Variants in CLMP observed in about 807,000 individuals in gnomAD.
CLMP encodes the protein CXADR like cell adhesion molecule.
A neutral mutation model predicts 45.2 loss-of-function variants in CLMP; 27 were observed. That is an observed-to-expected ratio of 0.60 (90% CI 0.44 to 0.82). The LOEUF is 0.82. Ranked by LOEUF, CLMP falls within the 40% of genes least tolerant of loss-of-function variation. The pLI is 0.00. For synonymous variants in CLMP, 167 were observed against 171.4 expected, an observed-to-expected ratio of 0.97 and a Z score of 0.20; for missense variants, 403 against 448.4, an observed-to-expected ratio of 0.90 and a Z score of 0.91.
intron 1 of CLMP, among the ~76,000 whole-genome samples, chr11:123,150,199 TAAACAC>T (rs1287594714): frequency 9.1e-4 from 111 of 121,786 alleles, no homozygotes; most frequent in African/African-American, 3.5e-3. Context: ...ACACACACAC[TAAACAC>T]ACACACACAC....
At chr11:123,100,840 G>A (rs1189165552) in intron 1 of CLMP, among the ~76,000 whole-genome samples, 1 of 151,630 alleles carries the variant, frequency 6.6e-6, no homozygotes, top group Non-Finnish European at 1.5e-5. Flanking sequence ...AGGAAGTCAG[G>A]GCTTGGCATC....
intron 1 of CLMP, among the ~76,000 whole-genome samples, chr11:123,118,979 TTCTTTCTTTCTTTCTTTCTTTCTCTC>T (rs1860764029): frequency 8.8e-5 from 4 of 45,378 alleles, no homozygotes; most frequent in East Asian, 7.0e-4. Context: ...CTTTCTTTCT[TTCTTTCTTTCTTTCTTTCTTTCTCTC>T]TCTCTCTCTC....
intron 1 of CLMP, among the ~76,000 whole-genome samples, chr11:123,169,200 C>T (rs770122732): frequency 6.7e-4 from 102 of 152,140 alleles, no homozygotes; most frequent in Non-Finnish European, 8.1e-4. Context: ...GCTCTGAGGG[C>T]CTCTGGGATT....
intron 1 of CLMP, among the ~76,000 whole-genome samples, chr11:123,139,579 C>G (rs557145976): frequency 6.6e-6 from 1 of 152,278 alleles, no homozygotes; most frequent in South Asian, 2.1e-4. Flanking sequence ...GTAATGCCAG[C>G]ACATTGGGAG....
At chr11:123,093,808 CTGTT>C (rs931521488) in intron 2 of CLMP, among the ~76,000 whole-genome samples, 1 of 152,056 alleles carries the variant, frequency 6.6e-6, no homozygotes, top group Admixed American at 6.6e-5. Context: ...TGGTTTGGGG[CTGTT>C]TGTCATTCCT....
intron 1 of CLMP, among the ~76,000 whole-genome samples, chr11:123,190,924 T>G (rs1861898963): frequency 6.6e-6 from 1 of 152,214 alleles, no homozygotes; most frequent in Admixed American, 6.5e-5. Context: ...TCTACTGAGC[T>G]AGCTGTATAA....
chr11:123,076,063 C>T lies in CLMP; in HGVS notation c.680-1220G>A, dbSNP rs1176843500. 5.3e-5 allele frequency among the ~76,000 whole-genome samples: 8 copies of T among 152,042 alleles called. 1 individual carries two copies. The highest frequency in any genetic ancestry group is 2.6e-4 in the Admixed American group (4 of 15,248). The stretch of plus-strand genomic sequence containing the variant: ...TGGCACACGCCTATAATCCCAGCTA[C>T]TCGGGAGGTTAAGGCAGGAGAATCA... On this transcript the variant is annotated intron_variant, in intron 5 of 6. Coordinates refer to ENST00000448775, the MANE Select transcript of CLMP (RefSeq NM_024769.5).
intron 1 of CLMP, among the ~76,000 whole-genome samples, chr11:123,190,941 C>T (rs1861899071): frequency 6.6e-6 from 1 of 152,134 alleles, no homozygotes; most frequent in Non-Finnish European, 1.5e-5. Flanking sequence ...ATAACCTTAG[C>T]CAAACCTCTC....
At chr11:123,080,557 C>G (rs758571462) in intron 5 of CLMP, among the ~76,000 whole-genome samples, 9 of 152,026 alleles carry the variant, frequency 5.9e-5, no homozygotes, top group Non-Finnish European at 8.8e-5. Flanking sequence ...GAACTCCCAA[C>G]TTCAAGTGAT....
intron 1 of CLMP, among the ~76,000 whole-genome samples, chr11:123,191,243 C>T (rs1031835459): frequency 1.3e-5 from 2 of 152,146 alleles, no homozygotes; most frequent in African/African-American, 4.8e-5. Flanking sequence ...TCACTAGATG[C>T]ATTCATGAAA....
At chr11:123,094,338 C>T (rs187140887) in intron 2 of CLMP, among the ~76,000 whole-genome samples, 24 of 152,206 alleles carry the variant, frequency 1.6e-4, no homozygotes, top group African/African-American at 5.5e-4. Context: ...AACTCCTGAG[C>T]TCAAGTGGAC....
chr11:123,074,963 T>G (rs1400585948), intron 5 of CLMP, 120 bp from the exon 6 acceptor site: 3 of 1,254,390 alleles, frequency 2.4e-6, no homozygotes, highest in Non-Finnish European at 3.2e-6. Context: ...TGTTTTGTTT[T>G]TTTTTTTTTG....
intron 4 of CLMP, 26 bp from the exon 5 acceptor site, chr11:123,083,233 A>G: frequency 6.2e-7 from 1 of 1,608,658 alleles, no homozygotes; most frequent in Non-Finnish European, 8.5e-7. Context: ...GAATGACTGT[A>G]AATCCCTTTA....
chr11:123,102,568 C>T (rs1232892917), intron 1 of CLMP, among the ~76,000 whole-genome samples: 6 of 148,264 alleles, frequency 4.0e-5, no homozygotes, highest in East Asian at 4.1e-4. Context: ...TGACAGCCAC[C>T]GTGCCCAGCC....
rs897664208 is a variant in CLMP, at chr11:123,145,409, C to T, written c.29-47457G>A. 3.4e-5 allele frequency among the ~76,000 whole-genome samples: 5 copies of T among 147,508 alleles called. 1 individual carries two copies. The highest frequency in any genetic ancestry group is 3.4e-4 in the Admixed American group (5 of 14,774). ...ACTCCTTTTACTTGCACGTCACAGACTTTGTCAGCGTGTGCTCCATGAGTG... is the reference window on the plus strand; with the variant it reads ...ACTCCTTTTACTTGCACGTCACAGATTTTGTCAGCGTGTGCTCCATGAGTG... On this transcript the variant is annotated intron_variant, in intron 1 of 6. Transcript: ENST00000448775.
chr11:123,154,112 C>G (rs1282848457), intron 1 of CLMP, among the ~76,000 whole-genome samples: 1 of 152,108 alleles, frequency 6.6e-6, no homozygotes, highest in Non-Finnish European at 1.5e-5. Flanking sequence ...TGGCCCACAC[C>G]AGGATGAGTA....
chr11:123,113,844 G>C (rs1051907845), intron 1 of CLMP, among the ~76,000 whole-genome samples: 9 of 152,194 alleles, frequency 5.9e-5, no homozygotes, highest in African/African-American at 2.2e-4. Context: ...GTACCTCTCT[G>C]AATTCTGTCC....
intron 1 of CLMP, among the ~76,000 whole-genome samples, chr11:123,167,656 T>C (rs939061910): frequency 1.3e-5 from 2 of 152,186 alleles, no homozygotes; most frequent in Non-Finnish European, 2.9e-5. Flanking sequence ...CTCCGTTCCA[T>C]GCTACCTCTT....
At chr11:123,088,487 T>G (rs547933024) in intron 2 of CLMP, among the ~76,000 whole-genome samples, 1 of 152,314 alleles carries the variant, frequency 6.6e-6, no homozygotes, top group African/African-American at 2.4e-5. Flanking sequence ...CAGTTTGTAC[T>G]TTCTAGGAGA....
Sources: allele counts gnomAD v4.1 joint callset (sites outside exome capture counted in the v4.1 genomes callset), GRCh38; gene constraint gnomAD v4.1.1; transcripts MANE v1.5; gene names NCBI Gene and HGNC (gene_info 2026-07-23, HGNC 2026-07-21).